VDAC1: variants seen among roughly 807,000 people sequenced by gnomAD.
VDAC1 encodes non-selective voltage-gated ion channel VDAC1.
In VDAC1, 10 loss-of-function variants were observed where a neutral mutation model predicts 34.7. That is an observed-to-expected ratio of 0.29 (90% CI 0.18 to 0.49). VDAC1 has a LOEUF of 0.49. Among genes scored for constraint, VDAC1 ranks in the 20% least tolerant of loss-of-function variants. The pLI is 0.99. For missense variants in VDAC1, 230 were observed against 347.9 expected (o/e 0.66, Z 2.69); for synonymous variants, 130 against 136.0 (o/e 0.96, Z 0.30).
At chr5:134,077,940 G>A in the VDAC1 span, among the ~76,000 whole-genome samples, 1 of 152,232 alleles carries the variant, frequency 6.6e-6, no homozygotes, top group Non-Finnish European at 1.5e-5. Flanking sequence ...CTTTGGGCCT[G>A]CCCACTAATT....
the VDAC1 span, among the ~76,000 whole-genome samples, chr5:134,049,440 AT>A: frequency 6.6e-6 from 1 of 152,076 alleles, no homozygotes; most frequent in East Asian, 1.9e-4. Flanking sequence ...TTCTGGTTTT[AT>A]TTTTTATTGC....
the VDAC1 span, among the ~76,000 whole-genome samples, chr5:134,087,339 C>G: frequency 6.6e-6 from 1 of 151,900 alleles, no homozygotes. Flanking sequence ...CCTGAAAGGT[C>G]CGGGGAAGAG....
the VDAC1 span, among the ~76,000 whole-genome samples, chr5:134,037,277 GA>G: frequency 6.6e-6 from 1 of 152,216 alleles, no homozygotes; most frequent in Non-Finnish European, 1.5e-5. Flanking sequence ...GTGGACCTCA[GA>G]TAAGAGGGAA....
At chr5:134,012,724 G>T in the VDAC1 span, among the ~76,000 whole-genome samples, 1 of 151,192 alleles carries the variant, frequency 6.6e-6, no homozygotes, top group Non-Finnish European at 1.5e-5. Flanking sequence ...ATTTTTCACA[G>T]AATTAGAAAA....
At chr5:134,092,027 G>A in the VDAC1 span, among the ~76,000 whole-genome samples, 5 of 152,158 alleles carry the variant, frequency 3.3e-5, no homozygotes, top group Non-Finnish European at 5.9e-5. Flanking sequence ...CTCTCTGCTC[G>A]TTGCTTCCTT....
At chr5:133,996,865 G>C (rs1253139868) in intron 1 of VDAC1, among the ~76,000 whole-genome samples, 2 of 152,132 alleles carry the variant, frequency 1.3e-5, no homozygotes, top group African/African-American at 2.4e-5. Flanking sequence ...CACCAAGAGT[G>C]GGGGAGTTGG....
the VDAC1 span, among the ~76,000 whole-genome samples, chr5:134,057,640 G>C: frequency 6.6e-6 from 1 of 150,756 alleles, no homozygotes; most frequent in Non-Finnish European, 1.5e-5. Context: ...AGTGAGCAGA[G>C]ATTGCACTAT....
the VDAC1 span, among the ~76,000 whole-genome samples, chr5:134,080,231 T>C: frequency 6.6e-6 from 1 of 152,242 alleles, no homozygotes; most frequent in Admixed American, 6.5e-5. Context: ...GTGGCCACTT[T>C]CACAGTCCCT....
the VDAC1 span, among the ~76,000 whole-genome samples, chr5:134,041,847 G>A: frequency 6.6e-6 from 1 of 152,132 alleles, no homozygotes; most frequent in South Asian, 2.1e-4. Context: ...TCCAGAGTAA[G>A]GCGCCATCCT....
the VDAC1 span, among the ~76,000 whole-genome samples, chr5:134,046,515 C>G: frequency 1.4e-4 from 21 of 152,222 alleles, no homozygotes; most frequent in East Asian, 4.1e-3. Context: ...CTGCAAAGTC[C>G]GTTTTGCCAT....
rs1752677241 is a variant in VDAC1, at chr5:133,981,038, G to T, written c.324-82C>A. The T allele has an allele frequency of 1.0e-5, 13 of 1,270,850 alleles. No homozygotes were observed. In the South Asian group the frequency reaches 1.8e-4, roughly 17 times the overall value. The allele number at this position is 1,270,850 out of a possible 1,614,324, so 78.7% of individuals were successfully genotyped here. On this transcript the variant is annotated intron_variant, in intron 5 of 8. Transcript: ENST00000265333. The stretch of plus-strand genomic sequence containing the variant: ...TGTCTTTTTTTTTTTTTTAATCCCA[G>T]GTCAAATAAAGGGAGTGGGGTGGGG...
chr5:134,102,342 C>T, the VDAC1 span, among the ~76,000 whole-genome samples: 7 of 149,720 alleles, frequency 4.7e-5, no homozygotes, highest in Admixed American at 4.0e-4. Context: ...CTACCCCCCC[C>T]ACCCCAAAGC....
chr5:134,002,677 G>A (rs1753604416), intron 1 of VDAC1, among the ~76,000 whole-genome samples: 1 of 152,200 alleles, frequency 6.6e-6, no homozygotes, highest in African/African-American at 2.4e-5. Context: ...TCAAAAGGAT[G>A]TCCAGGACCG....
At chr5:134,036,355 A>C in the VDAC1 span, among the ~76,000 whole-genome samples, 1 of 152,202 alleles carries the variant, frequency 6.6e-6, no homozygotes, top group Admixed American at 6.5e-5. Context: ...CTAATCCTGA[A>C]AAAAATCAAA....
At chr5:134,068,785 C>T in the VDAC1 span, among the ~76,000 whole-genome samples, 4 of 152,102 alleles carry the variant, frequency 2.6e-5, no homozygotes, top group African/African-American at 9.7e-5. Context: ...GCTTCTTCCC[C>T]ATTCTCTCCA....
the VDAC1 span, among the ~76,000 whole-genome samples, chr5:134,095,026 A>G: frequency 6.6e-6 from 1 of 152,230 alleles, no homozygotes; most frequent in South Asian, 2.1e-4. Flanking sequence ...TTCCTTTTCT[A>G]GCATTTCCCA....
the VDAC1 span, among the ~76,000 whole-genome samples, chr5:134,087,273 C>T: frequency 0.02 from 2,991 of 152,120 alleles, 85 homozygotes; most frequent in African/African-American, 0.068. Flanking sequence ...CACCTGCGGT[C>T]GCTGCAAGGA....
chr5:133,991,744 T>TAA (rs879339231), intron 3 of VDAC1, among the ~76,000 whole-genome samples: 1 of 140,968 alleles, frequency 7.1e-6, no homozygotes, highest in Non-Finnish European at 1.6e-5. Context: ...ACTGCCAGAA[T>TAA]AAAAAAAAAA....
At chr5:134,001,374 C>A (rs144022594) in intron 1 of VDAC1, among the ~76,000 whole-genome samples, 19 of 152,278 alleles carry the variant, frequency 1.2e-4, no homozygotes, top group Admixed American at 2.0e-4. Context: ...AGGTGCTGAG[C>A]AAGCCCTCAA....
Sources: gnomAD v4.1 joint callset for allele counts (sites outside exome capture counted in the v4.1 genomes callset) on GRCh38, gnomAD v4.1.1 for gene constraint, MANE v1.5 for transcripts, NCBI Gene and HGNC (gene_info 2026-07-23, HGNC 2026-07-21) for gene names.